Variants in KHDRBS3 observed in about 807,000 individuals in gnomAD.
The protein encoded by KHDRBS3 is KH domain-containing, RNA-binding, signal transduction-associated protein 3.
In KHDRBS3, 23 loss-of-function variants were observed where a neutral mutation model predicts 45.6. That is an observed-to-expected ratio of 0.50 (90% confidence interval 0.36 to 0.72). KHDRBS3 has a LOEUF of 0.72. KHDRBS3 is among the 30% of genes least tolerant of loss of function. The pLI is 0.00. For synonymous variants in KHDRBS3, 162 were observed against 156.5 expected, an observed-to-expected ratio of 1.04 and a Z score of -0.26; for missense variants, 352 against 424.8, an observed-to-expected ratio of 0.83 and a Z score of 1.51.
At chr8:135,637,566 AGTAATGT>A (rs1830866645) in intron 7 of KHDRBS3, among the ~76,000 whole-genome samples, 1 of 152,244 alleles carries the variant, frequency 6.6e-6, no homozygotes, top group South Asian at 2.1e-4. Context: ...TACAGAACTT[AGTAATGT>A]GACTTCTAAA....
At chr8:135,630,622 G>A (rs1409792482) in intron 7 of KHDRBS3, among the ~76,000 whole-genome samples, 3 of 151,986 alleles carry the variant, frequency 2.0e-5, no homozygotes, top group African/African-American at 7.2e-5. Context: ...ATAGCCTAAT[G>A]CACACCTAGG....
intron 2 of KHDRBS3, 93 bp from the exon 3 acceptor site, chr8:135,542,561 A>G (rs1826094912): frequency 1.3e-6 from 1 of 753,258 alleles, no homozygotes; most frequent in East Asian, 2.5e-5. Flanking sequence ...TTAATCAATG[A>G]TGTGTAGCAC....
chr8:135,551,071 TG>T (rs1311455356), intron 4 of KHDRBS3, among the ~76,000 whole-genome samples: 2 of 152,198 alleles, frequency 1.3e-5, no homozygotes, highest in African/African-American at 2.4e-5. Flanking sequence ...ATATTGATTT[TG>T]TATCTTGTGA....
intron 2 of KHDRBS3, among the ~76,000 whole-genome samples, chr8:135,536,756 C>G (rs1012758072): frequency 6.7e-6 from 1 of 150,184 alleles, no homozygotes; most frequent in East Asian, 2.0e-4. Flanking sequence ...GTCAGGAGAT[C>G]GAGACCATCC....
At chr8:135,625,106 A>G in intron 7 of KHDRBS3, 1 of 838,678 alleles carries the variant, frequency 1.2e-6, no homozygotes, top group Non-Finnish European at 1.9e-6. Flanking sequence ...TCCTCTAAGG[A>G]TAATAAAAGG....
chr8:135,562,003 C>A (rs1827193239), intron 5 of KHDRBS3, among the ~76,000 whole-genome samples: 1 of 151,756 alleles, frequency 6.6e-6, no homozygotes, highest in African/African-American at 2.4e-5. Flanking sequence ...TAAAAGTTGA[C>A]AAATTTTAAA....
chr8:135,615,897 G>A (rs1353247547), intron 7 of KHDRBS3, among the ~76,000 whole-genome samples: 1 of 152,170 alleles, frequency 6.6e-6, no homozygotes, highest in African/African-American at 2.4e-5. Flanking sequence ...AGTTTGATTA[G>A]ATGAGTCTGA....
intron 1 of KHDRBS3, among the ~76,000 whole-genome samples, chr8:135,512,544 A>G (rs951971700): frequency 2.0e-5 from 3 of 151,940 alleles, no homozygotes; most frequent in Admixed American, 6.6e-5. Context: ...TTCTATTAAT[A>G]GTTCTTATAA....
At chr8:135,486,752 C>T (rs1822884355) in intron 1 of KHDRBS3, among the ~76,000 whole-genome samples, 1 of 152,052 alleles carries the variant, frequency 6.6e-6, no homozygotes, top group South Asian at 2.1e-4. Flanking sequence ...AATAATATTC[C>T]TTGGTGTTGT....
intron 7 of KHDRBS3, among the ~76,000 whole-genome samples, chr8:135,611,800 A>G (rs1197436487): frequency 6.6e-6 from 1 of 151,890 alleles, no homozygotes; most frequent in Admixed American, 6.6e-5. Context: ...TTCAGAAGGC[A>G]AGGTACACAA....
At position 135,521,316 on chromosome 8, in the gene KHDRBS3, G is replaced by C; in HGVS notation, c.168G>C (p.Leu56=). 2 of 1,612,648 alleles carry C rather than the reference G, an allele frequency of 1.2e-6. No individual in the cohort carries two copies. Among genetic ancestry groups the C allele is most frequent in the Admixed American group, 3.3e-5 (2 of 60,006 alleles). ...TGGTGATTAATAAGAACATGAAGCT[G>C]GGACAGAAAGTGTTAATTCCCGTAA... The part of the protein sequence containing the change: ...IDVVINKNMK[L]GQKVLIPVKQ... Residue 56 remains leucine (L), a synonymous_variant, in exon 2 of 9, where the codon CTG becomes CTC. Transcript: ENST00000355849.
At chr8:135,578,032 C>A (rs1236634770) in intron 5 of KHDRBS3, among the ~76,000 whole-genome samples, 2 of 152,092 alleles carry the variant, frequency 1.3e-5, no homozygotes, top group Non-Finnish European at 2.9e-5. Context: ...TGTAGATCTT[C>A]TTTGGTGAGT....
rs145472431 is a variant in KHDRBS3 at position 135,557,456 on chromosome 8, T to C, written c.480T>C (p.Asn160=). The change falls in exon 5 of 9, where the codon AAT becomes AAC. Residue 160 remains asparagine (N), a synonymous_variant. Coordinates refer to ENST00000355849, the MANE Select transcript of KHDRBS3 (RefSeq NM_006558.3). The part of the protein sequence containing the change: ...EIKKFLIPDY[N]DEIRQAQLQE... ...TTCTGTCTTTTGTGTAGGATTATAA[T>C]GATGAGATCAGGCAAGCACAGCTCC... is the stretch of plus-strand genomic sequence containing the variant. 78 of 1,608,886 alleles carry C rather than the reference T, an allele frequency of 4.8e-5. 1 individual carries two copies. In the Admixed American group the frequency reaches 8.9e-4, roughly 18 times the overall value.
intron 2 of KHDRBS3, among the ~76,000 whole-genome samples, chr8:135,536,249 T>TTG (rs1825747830): frequency 8.8e-6 from 1 of 113,106 alleles, no homozygotes; most frequent in Non-Finnish European, 1.7e-5. Context: ...TTTTTTTTTT[T>TTG]TTTTTTTTTT....
chr8:135,530,839 T>A (rs774419090), intron 2 of KHDRBS3, among the ~76,000 whole-genome samples: 3 of 152,250 alleles, frequency 2.0e-5, no homozygotes, highest in Non-Finnish European at 4.4e-5. Flanking sequence ...ATTCATTTAC[T>A]TTCTAAATTA....
At chr8:135,557,914 A>G (rs949695783) in intron 5 of KHDRBS3, among the ~76,000 whole-genome samples, 4 of 152,216 alleles carry the variant, frequency 2.6e-5, no homozygotes, top group African/African-American at 7.2e-5. Flanking sequence ...GGAGTGAGAT[A>G]TTCCTGGGCT....
At position 135,573,074 on chromosome 8, in the gene KHDRBS3, C is replaced by G. The variant is rs1321303885; in HGVS notation, c.612-8804C>G. Among the ~76,000 whole-genome samples, 3 of 152,034 alleles carry G rather than the reference C, an allele frequency of 2.0e-5. No individual in the cohort carries two copies. The South Asian group carries it at 6.2e-4, about 32-fold the overall frequency. ...CTGGGAAGGTTTTTCTCACTGTGAC[C>G]CCTGATAGAAGACTAAGGCCCTGTC... is the stretch of plus-strand genomic sequence containing the variant. On this transcript the variant is annotated intron_variant, in intron 5 of 8. Coordinates refer to ENST00000355849, the MANE Select transcript of KHDRBS3 (RefSeq NM_006558.3).
At chr8:135,553,489 G>A (rs1007495664) in intron 4 of KHDRBS3, among the ~76,000 whole-genome samples, 2 of 151,918 alleles carry the variant, frequency 1.3e-5, no homozygotes, top group African/African-American at 4.8e-5. Flanking sequence ...TCTTTTTAAT[G>A]TCTGCATAAT....
chr8:135,585,577 A>C (rs1452122488), intron 6 of KHDRBS3, among the ~76,000 whole-genome samples: 1 of 152,174 alleles, frequency 6.6e-6, no homozygotes, highest in Non-Finnish European at 1.5e-5. Flanking sequence ...GAATGAATGA[A>C]TGGTCACAAG....
Sources: gnomAD v4.1 joint callset for allele counts (sites outside exome capture counted in the v4.1 genomes callset) on GRCh38, gnomAD v4.1.1 for gene constraint, MANE v1.5 for transcripts, NCBI Gene and HGNC (gene_info 2026-07-23, HGNC 2026-07-21) for gene names.